The following DPYD variants were observed in gnomAD, a reference collection of about 807,000 sequenced individuals.
DPYD encodes dihydropyrimidine dehydrogenase [NADP(+)].
DPYD carries 109 observed loss-of-function variants against 116.2 expected under a neutral mutation model. The ratio of observed to expected loss-of-function variants is 0.94; its 90% CI spans 0.80 to 1.10. DPYD has a LOEUF of 1.10. Ranked by LOEUF, DPYD falls within the 50% of genes least tolerant of loss-of-function variation. The pLI, the probability that DPYD is intolerant of heterozygous loss-of-function variation, is 0.00. For missense variants in DPYD, 1,302 were observed against 1,254.5 expected (o/e 1.04, Z -0.57); for synonymous variants, 440 against 432.0 (o/e 1.02, Z -0.23).
chr1:97,755,800 A>G (rs960130764), intron 3 of DPYD, among the ~76,000 whole-genome samples: 3 of 152,172 alleles, frequency 2.0e-5, no homozygotes, highest in African/African-American at 7.2e-5. Context: ...TAGACATCAT[A>G]CCATTATAGG....
chr1:97,366,294 T>C lies in DPYD; in HGVS notation c.2058+7267A>G, dbSNP rs570963501. Among the ~76,000 whole-genome samples the C allele has an allele frequency of 3.4e-4, 52 of 152,308 alleles. No homozygotes were observed. In the South Asian group the frequency reaches 0.01, roughly 30 times the overall value. On this transcript the variant is annotated intron_variant, in intron 16 of 22. Coordinates refer to ENST00000370192, the MANE Select transcript of DPYD (RefSeq NM_000110.4). The stretch of plus-strand genomic sequence containing the variant: ...AAAGCAGATTTTTTTTGATTAGAGA[T>C]AGTTTTTCTCATAAACAAGTGGATA...
chr1:97,859,829 TGACA>T (rs1671032489), intron 2 of DPYD, among the ~76,000 whole-genome samples: 1 of 152,094 alleles, frequency 6.6e-6, no homozygotes, highest in African/African-American at 2.4e-5. Context: ...AAGATATAAA[TGACA>T]AAGATATGTT....
intron 3 of DPYD, chr1:97,797,646 T>G (rs1667638712): frequency 1.3e-5 from 2 of 152,028 alleles, no homozygotes; most frequent in South Asian, 4.1e-4. Context: ...TCTTTCATGA[T>G]AGTAGCCAGG....
intron 19 of DPYD, among the ~76,000 whole-genome samples, chr1:97,214,543 A>G (rs1034275907): frequency 1.3e-5 from 2 of 152,312 alleles, no homozygotes; most frequent in Middle Eastern, 3.4e-3. Context: ...TAGTGGATTA[A>G]GTGCCATACT....
At chr1:97,548,914 T>C (rs1326781496) in intron 12 of DPYD, among the ~76,000 whole-genome samples, 1 of 152,156 alleles carries the variant, frequency 6.6e-6, no homozygotes, top group Non-Finnish European at 1.5e-5. Flanking sequence ...TTATAATTAA[T>C]GTAGATTCTA....
intron 19 of DPYD, among the ~76,000 whole-genome samples, chr1:97,221,217 A>G (rs1476359396): frequency 6.9e-6 from 1 of 144,172 alleles, no homozygotes; most frequent in Non-Finnish European, 1.5e-5. Context: ...TAATAAGTGA[A>G]AGAGCAAGCT....
At chr1:97,508,803 C>T (rs1184875509) in intron 13 of DPYD, among the ~76,000 whole-genome samples, 1 of 151,942 alleles carries the variant, frequency 6.6e-6, no homozygotes, top group East Asian at 1.9e-4. Flanking sequence ...CATTTCCATG[C>T]TGTTACAACC....
chr1:97,169,191 T>G (rs1656539960), intron 20 of DPYD, among the ~76,000 whole-genome samples: 1 of 152,220 alleles, frequency 6.6e-6, no homozygotes, highest in Non-Finnish European at 1.5e-5. Context: ...CTGATGATTC[T>G]TCTTGGTGAA....
chr1:97,177,679 C>T (rs1657386975), intron 20 of DPYD, among the ~76,000 whole-genome samples: 1 of 151,344 alleles, frequency 6.6e-6, no homozygotes, highest in Admixed American at 6.6e-5. Context: ...GCTTACAAGA[C>T]AGAAACCATG....
At chr1:97,109,485 C>T (rs1278275053) in intron 20 of DPYD, among the ~76,000 whole-genome samples, 1 of 151,888 alleles carries the variant, frequency 6.6e-6, no homozygotes, top group Non-Finnish European at 1.5e-5. Context: ...TTGCCTTACA[C>T]AATGGAATGG....
intron 1 of DPYD, among the ~76,000 whole-genome samples, chr1:97,894,443 T>C (rs763921933): frequency 6.6e-6 from 1 of 151,786 alleles, no homozygotes; most frequent in African/African-American, 2.4e-5. Context: ...CAAATACTAT[T>C]AATATTGGGC....
chr1:97,477,037 G>C (rs1276779203), intron 13 of DPYD, among the ~76,000 whole-genome samples: 1 of 152,190 alleles, frequency 6.6e-6, no homozygotes, highest in African/African-American at 2.4e-5. Flanking sequence ...GTTGCTGGCT[G>C]CTTACTGATC....
intron 13 of DPYD, among the ~76,000 whole-genome samples, chr1:97,483,173 T>C (rs767110925): frequency 2.0e-5 from 3 of 152,236 alleles, no homozygotes; most frequent in Admixed American, 6.5e-5. Flanking sequence ...TTCTAGCTCT[T>C]GGTTACCTGA....
intron 16 of DPYD, among the ~76,000 whole-genome samples, chr1:97,356,481 AGCAATATTTGCTGTTCT>A (rs1015366333): frequency 9.8e-5 from 15 of 152,326 alleles, no homozygotes; most frequent in South Asian, 4.1e-4. Context: ...GTGATCAGGT[AGCAATATTTGCTGTTCT>A]GCAATATTTG....
intron 10 of DPYD, among the ~76,000 whole-genome samples, chr1:97,586,920 G>C (rs936651516): frequency 6.6e-6 from 1 of 152,016 alleles, no homozygotes; most frequent in Admixed American, 6.6e-5. Flanking sequence ...TGAAGAAATA[G>C]AGCCTTCCTG....
chr1:97,648,396 T>C (rs1221838035), intron 8 of DPYD, among the ~76,000 whole-genome samples: 1 of 152,026 alleles, frequency 6.6e-6, no homozygotes, highest in East Asian at 1.9e-4. Context: ...TTGGTGTTTG[T>C]GGATCATCTC....
chr1:97,331,855 T>C (rs572171234), intron 16 of DPYD, among the ~76,000 whole-genome samples: 63 of 152,314 alleles, frequency 4.1e-4, no homozygotes, highest in African/African-American at 1.4e-3. Flanking sequence ...AAAATTCCAC[T>C]TGGAAGCTAT....
At chr1:97,081,175 A>G (rs1649124842) in intron 22 of DPYD, among the ~76,000 whole-genome samples, 1 of 152,080 alleles carries the variant, frequency 6.6e-6, no homozygotes, top group South Asian at 2.1e-4. Context: ...TGTCATAAGA[A>G]TATGCAAAAT....
intron 8 of DPYD, among the ~76,000 whole-genome samples, chr1:97,633,582 A>G (rs927936727): frequency 6.6e-5 from 10 of 151,890 alleles, no homozygotes; most frequent in South Asian, 2.1e-4. Context: ...AGATGTTGGG[A>G]AAAAAAACCA....
Sources: gnomAD v4.1 joint callset for allele counts (sites outside exome capture counted in the v4.1 genomes callset) on GRCh38, gnomAD v4.1.1 for gene constraint, MANE v1.5 for transcripts, NCBI Gene and HGNC (gene_info 2026-07-23, HGNC 2026-07-21) for gene names.